The following FAF1 variants were observed in gnomAD, a reference collection of about 807,000 sequenced individuals.
FAF1 encodes FAS-associated factor 1.
In FAF1, 25 loss-of-function variants were observed where a neutral mutation model predicts 92.5. The ratio of observed to expected loss-of-function variants is 0.27; its 90% CI spans 0.20 to 0.38. FAF1 has a LOEUF of 0.38. Among genes scored for constraint, FAF1 ranks in the 10% least tolerant of loss-of-function variants. The probability of loss-of-function intolerance (pLI) is 1.00; values close to 1 mark genes in which losing one functional copy is unlikely to be tolerated. For synonymous variants in FAF1, 234 were observed against 273.2 expected, an observed-to-expected ratio of 0.86 and a Z score of 1.42; for missense variants, 636 against 793.3, an observed-to-expected ratio of 0.80 and a Z score of 2.38.
intron 15 of FAF1, among the ~76,000 whole-genome samples, chr1:50,508,299 T>C (rs1313446089): frequency 6.6e-6 from 1 of 152,238 alleles, no homozygotes; most frequent in East Asian, 1.9e-4. Flanking sequence ...GTTCACTGCA[T>C]CATTATTCAC....
intron 1 of FAF1, among the ~76,000 whole-genome samples, chr1:50,946,024 G>T (rs918080138): frequency 1.3e-5 from 2 of 152,240 alleles, no homozygotes; most frequent in African/African-American, 4.8e-5. Flanking sequence ...CCACTGAGCT[G>T]ACGGCTTTGC....
In FAF1 at chr1:50,493,493, T is replaced by C. The variant is rs144835705; in HGVS notation, c.1495-1692A>G. ...GATGTTTAAAATTTTAATTTGACCT[T>C]ACTTTCCTGACTTCATCCTTTCAAA... On this transcript the variant is annotated intron_variant, in intron 15 of 18. Transcript: ENST00000396153. Among the ~76,000 whole-genome samples the C allele has an allele frequency of 2.0e-4, 30 of 152,344 alleles. No individual in the cohort carries two copies. In the East Asian group the frequency reaches 4.2e-3, roughly 22 times the overall value.
At position 50,602,915 on chromosome 1, in the gene FAF1, C is replaced by G. The variant is rs1652213129; in HGVS notation, c.745-6699G>C. On this transcript the variant is annotated intron_variant, in intron 8 of 18. Coordinates refer to ENST00000396153, the MANE Select transcript of FAF1 (RefSeq NM_007051.3). ...AAGAGCTCAGTATGTATTGTTATTA[C>G]ACAAAGTGCTTTACACGCACTACCC... Among the ~76,000 whole-genome samples the G allele has an allele frequency of 4.6e-5, 7 of 152,274 alleles. No individual in the cohort carries two copies. In the South Asian group the frequency reaches 1.5e-3, roughly 32 times the overall value.
At chr1:50,639,227 T>A (rs1018337334) in intron 8 of FAF1, among the ~76,000 whole-genome samples, 6 of 152,232 alleles carry the variant, frequency 3.9e-5, no homozygotes, top group Non-Finnish European at 8.8e-5. Context: ...CATCTGGGTT[T>A]TGTCTACTAT....
At chr1:50,899,745 C>T (rs1163000525) in intron 1 of FAF1, among the ~76,000 whole-genome samples, 1 of 152,170 alleles carries the variant, frequency 6.6e-6, no homozygotes, top group Non-Finnish European at 1.5e-5. Context: ...CCACCACGCC[C>T]AGCCTCCTTT....
chr1:50,817,255 C>T (rs903921336), intron 2 of FAF1, among the ~76,000 whole-genome samples: 5 of 152,114 alleles, frequency 3.3e-5, no homozygotes, highest in African/African-American at 4.8e-5. Context: ...TGTCAATCAA[C>T]AGACGGATAA....
At chr1:50,849,326 G>C (rs1183131866) in intron 2 of FAF1, among the ~76,000 whole-genome samples, 1 of 151,412 alleles carries the variant, frequency 6.6e-6, no homozygotes, top group African/African-American at 2.4e-5. Context: ...GTTGTGTACT[G>C]TATTTATAAG....
chr1:50,866,946 A>T (rs1261837727), intron 1 of FAF1, among the ~76,000 whole-genome samples: 7 of 152,182 alleles, frequency 4.6e-5, no homozygotes, highest in Admixed American at 4.6e-4. Flanking sequence ...CTATACTACA[A>T]GGCTATGGTC....
At chr1:50,570,990 A>G (rs769013468) in intron 12 of FAF1, among the ~76,000 whole-genome samples, 1 of 152,174 alleles carries the variant, frequency 6.6e-6, no homozygotes, top group South Asian at 2.1e-4. Flanking sequence ...TTTGATTTCT[A>G]TTACTATAAC....
At chr1:50,554,635 C>T (rs961683237) in intron 13 of FAF1, among the ~76,000 whole-genome samples, 1 of 152,042 alleles carries the variant, frequency 6.6e-6, no homozygotes, top group Admixed American at 6.5e-5. Flanking sequence ...ACTAAAATCA[C>T]TCTGATCAGA....
chr1:50,676,534 T>A (rs1344649803), intron 7 of FAF1, among the ~76,000 whole-genome samples: 1 of 150,154 alleles, frequency 6.7e-6, no homozygotes, highest in Admixed American at 6.6e-5. Flanking sequence ...TAAAAATATA[T>A]TCAAGGCTGG....
At chr1:50,688,511 T>TA (rs992019975) in intron 7 of FAF1, among the ~76,000 whole-genome samples, 2 of 151,970 alleles carry the variant, frequency 1.3e-5, no homozygotes, top group South Asian at 2.1e-4. Flanking sequence ...TACTCAGCCT[T>TA]AAAAAAATAA....
chr1:50,891,589 A>G (rs1381896940), intron 1 of FAF1, among the ~76,000 whole-genome samples: 5 of 152,202 alleles, frequency 3.3e-5, no homozygotes, highest in Admixed American at 3.3e-4. Flanking sequence ...CAGGACCCTC[A>G]GCTGCAGGTC....
intron 6 of FAF1, among the ~76,000 whole-genome samples, chr1:50,709,096 T>C (rs1200837397): frequency 6.6e-6 from 1 of 152,206 alleles, no homozygotes; most frequent in East Asian, 1.9e-4. Flanking sequence ...TGTACAACTA[T>C]TCTCCAAAAT....
At chr1:50,460,418 T>C (rs1646411102) in intron 18 of FAF1, among the ~76,000 whole-genome samples, 1 of 152,180 alleles carries the variant, frequency 6.6e-6, no homozygotes. Context: ...TGAAGTGCTG[T>C]CTAGTGTTCC....
intron 1 of FAF1, among the ~76,000 whole-genome samples, chr1:50,877,289 T>C (rs904174865): frequency 1.3e-5 from 2 of 152,238 alleles, no homozygotes; most frequent in Non-Finnish European, 2.9e-5. Flanking sequence ...CCAAGTCCCA[T>C]AGTTCCAGTT....
intron 8 of FAF1, among the ~76,000 whole-genome samples, chr1:50,618,593 T>C (rs957890379): frequency 6.6e-6 from 1 of 151,852 alleles, no homozygotes; most frequent in African/African-American, 2.4e-5. Flanking sequence ...CAAAAACTTG[T>C]TTTATGAATC....
Position 50,574,899 on chromosome 1 carries a change from T to G in FAF1, c.1114-7668A>C, listed in dbSNP as rs1488179296. On this transcript the variant is annotated intron_variant, in intron 12 of 18. Coordinates refer to ENST00000396153, the MANE Select transcript of FAF1 (RefSeq NM_007051.3). Reference sequence around the variant, plus strand: ...TAAGCATATAGAGTTGTATTAACTCTTTTTTTTTTTTTTTTTTTTTTTTTT... The same window carrying G: ...TAAGCATATAGAGTTGTATTAACTCGTTTTTTTTTTTTTTTTTTTTTTTTT... Among the ~76,000 whole-genome samples the G allele has an allele frequency of 7.8e-4, 47 of 60,602 alleles. 2 individuals are homozygous for G. The highest frequency in any genetic ancestry group is 2.9e-3 in the African/African-American group (42 of 14,238). 39.8% of individuals were successfully genotyped at this position (60,602 alleles called of 152,430 possible).
chr1:50,702,036 G>A (rs377238394), intron 7 of FAF1, among the ~76,000 whole-genome samples: 11 of 151,826 alleles, frequency 7.2e-5, no homozygotes, highest in African/African-American at 2.7e-4. Flanking sequence ...TGTTATTCTG[G>A]GTCATGTGTA....
Sources: allele counts gnomAD v4.1 joint callset (sites outside exome capture counted in the v4.1 genomes callset), GRCh38; gene constraint gnomAD v4.1.1; transcripts MANE v1.5; gene names NCBI Gene and HGNC (gene_info 2026-07-23, HGNC 2026-07-21).